GLS2: variants seen among roughly 807,000 people sequenced by gnomAD.
GLS2 encodes the protein glutaminase 2.
Under a neutral mutation model 79.0 loss-of-function variants are expected in GLS2, and 52 were observed. The observed-to-expected ratio is 0.66, with a 90% confidence interval of 0.53 to 0.83. The LOEUF (loss-of-function observed/expected upper bound fraction) is 0.83. GLS2 is among the 40% of genes least tolerant of loss of function. The probability of loss-of-function intolerance (pLI) is 0.00; values close to 1 mark genes in which losing one functional copy is unlikely to be tolerated. For synonymous variants in GLS2, 238 were observed against 280.8 expected, an observed-to-expected ratio of 0.85 and a Z score of 1.52; for missense variants, 561 against 764.8, an observed-to-expected ratio of 0.73 and a Z score of 3.14.
rs950919445 is a variant in GLS2, at chr12:56,475,971, A to G, written c.844T>C (p.Cys282Arg). Residue 282 changes from cysteine (C) to arginine (R), a missense_variant, in exon 8 of 18, where the codon TGT becomes CGT. By Grantham distance (180) the Cys-to-Arg change is radical (BLOSUM62 -3). This residue lies in a region of GLS2 where 221 missense variants were observed against 275.6 expected (regional missense o/e 0.80). Coordinates refer to ENST00000311966, the MANE Select transcript of GLS2 (RefSeq NM_013267.4). ...AAATCAAACTTCTCTGCTTTGTTAC[A>G]GTCCATCTGCAGAGAAAGAGAGAGA... ...IVVSSLIKMD[C>R]NKAEKFDFVL... The G allele has an allele frequency of 1.2e-6, 2 of 1,613,404 alleles. No individual in the cohort carries two copies. Among genetic ancestry groups the G allele is most frequent in the African/African-American group, 2.7e-5 (2 of 74,936 alleles).
At chr12:56,477,513 T>A in intron 7 of GLS2, 147 bp downstream of exon 7, 1 of 713,042 alleles carries the variant, frequency 1.4e-6, no homozygotes, top group Non-Finnish European at 2.4e-6. Context: ...AACATGTGGG[T>A]CCCTGCTGTG....
intron 10 of GLS2, 42 bp downstream of exon 10, chr12:56,475,002 C>G (rs767518156): frequency 5.6e-6 from 9 of 1,613,850 alleles, no homozygotes; most frequent in Admixed American, 3.3e-5. Context: ...CCACTAGCAG[C>G]AGAATTCCCA....
chr12:56,474,295 G>C (rs1006307736), intron 12 of GLS2: 9 of 481,018 alleles, frequency 1.9e-5, no homozygotes, highest in African/African-American at 1.4e-4. Context: ...CACCATGTAG[G>C]TCAGGCTGGT....
rs1244536820 is a variant in GLS2, at chr12:56,473,560, G to C, written c.1259C>G (p.Ala420Gly). The C allele has an allele frequency of 6.2e-7, 1 of 1,612,812 alleles. No homozygotes were observed. The highest frequency in any genetic ancestry group is 1.7e-5 in the Admixed American group (1 of 60,004). The change falls in exon 13 of 18, where the codon GCC becomes GGC. Residue 420 changes from alanine to glycine, a missense_variant. Transcript: ENST00000311966. ...GACATTGGGTACCACCAGGAGGATG[G>C]CTCCTGATACAGCTGACTTGGCTGG... ...GLPAKSAVSG[A>G]ILLVVPNVMG...
rs778242625 is a variant in GLS2 at position 56,473,453 on chromosome 12, A to G, written c.1356+10T>C. The G allele has an allele frequency of 6.2e-7, 1 of 1,609,392 alleles. No individual in the cohort carries two copies. Among genetic ancestry groups the G allele is most frequent in the Non-Finnish European group, 8.5e-7 (1 of 1,177,222 alleles). ...CAAAAATAGTAAGTACTATATGCAA[A>G]GCATCTCACCTGGCAGAAGCTGGTC... On this transcript the variant is annotated intron_variant, in intron 13 of 17. Transcript: ENST00000311966.
intron 4 of GLS2, 155 bp from the exon 5 acceptor site, chr12:56,478,417 G>T (rs1870014582): frequency 4.2e-6 from 3 of 706,650 alleles, no homozygotes; most frequent in Non-Finnish European, 7.2e-6. Flanking sequence ...AGAAATGCCC[G>T]AGCCTTAAGT....
Position 56,472,211 on chromosome 12 carries a change from A to C in GLS2, c.1512-16T>G, listed in dbSNP as rs775978486. 1.9e-6 allele frequency: 3 copies of C among 1,612,858 alleles called. No individual in the cohort carries two copies. In the South Asian group the frequency reaches 3.3e-5, roughly 18 times the overall value. On this transcript the variant is annotated splice_polypyrimidine_tract_variant and intron_variant, in intron 15 of 17. Transcript: ENST00000311966. ...CAAGGCAAACCTGAGGGTAGTGGGA[A>C]AGCAGCTAGAGTTGCCTAGATCAGA...
At position 56,475,616 on chromosome 12, in the gene GLS2, G is replaced by C; in HGVS notation, c.929+8C>G. ...TGCTTTCAGTCAGTCCTCTGAGTAG[G>C]GACTTACGTGGCATTGCTGAAACCC... On this transcript the variant is annotated splice_region_variant and intron_variant, in intron 9 of 17. Coordinates refer to ENST00000311966, the MANE Select transcript of GLS2 (RefSeq NM_013267.4). 1 of 1,613,868 alleles carries C rather than the reference G, an allele frequency of 6.2e-7. No homozygotes were observed. Among genetic ancestry groups the C allele is most frequent in the Non-Finnish European group, 8.5e-7 (1 of 1,179,828 alleles).
Position 56,475,031 on chromosome 12 carries a change from C to G in GLS2, c.996+13G>C, listed in dbSNP as rs777202283. On this transcript the variant is annotated intron_variant, in intron 10 of 17. Coordinates refer to ENST00000311966, the MANE Select transcript of GLS2 (RefSeq NM_013267.4). ...ATTCCCAGGGACTTTCTCTTCCGGC[C>G]TCTTCTGGTTACCTTCTTTTCCTTG... is the stretch of plus-strand genomic sequence containing the variant. 6.2e-7 allele frequency: 1 copy of G among 1,614,148 alleles called. No homozygotes were observed. Among genetic ancestry groups the G allele is most frequent in the South Asian group, 1.1e-5 (1 of 91,088 alleles).
At chr12:56,472,618 G>T in intron 15 of GLS2, 72 bp downstream of exon 15, 1 of 1,369,406 alleles carries the variant, frequency 7.3e-7, no homozygotes, top group Non-Finnish European at 1.0e-6. Context: ...TAACTATTTT[G>T]TTACGCTGCC....
intron 2 of GLS2, 103 bp from the exon 3 acceptor site, chr12:56,480,004 AC>A: frequency 7.0e-7 from 1 of 1,426,454 alleles, no homozygotes; most frequent in Non-Finnish European, 9.6e-7. Flanking sequence ...CCCAACCACT[AC>A]AATAGGTGGA....
In GLS2 at chr12:56,476,031, G is replaced by C. The variant is rs1592276043; in HGVS notation, c.838-54C>G. 2.6e-6 allele frequency: 4 copies of C among 1,549,212 alleles called. No homozygotes were observed. The East Asian group carries it at 9.0e-5, about 35-fold the overall frequency. Reference sequence around the variant, plus strand: ...TCTAAGTGTAGGAGGATGACAGAGGGAAGGGTCAGAAGGATCTAGTGGAGT... The same window carrying C: ...TCTAAGTGTAGGAGGATGACAGAGGCAAGGGTCAGAAGGATCTAGTGGAGT... On this transcript the variant is annotated intron_variant, in intron 7 of 17. Coordinates refer to ENST00000311966, the MANE Select transcript of GLS2 (RefSeq NM_013267.4).
At chr12:56,478,917 G>A in intron 4 of GLS2, 135 bp downstream of exon 4, 2 of 1,078,596 alleles carry the variant, frequency 1.9e-6, no homozygotes, top group Non-Finnish European at 1.3e-6. Context: ...CTGGGAGGTG[G>A]AGGTTGCAGT....
intron 17 of GLS2, 55 bp downstream of exon 17, chr12:56,471,718 G>A (rs1869283312): frequency 6.2e-7 from 1 of 1,611,666 alleles, no homozygotes. Context: ...ATGGTGGCTG[G>A]AGGGTAGGTG....
intron 1 of GLS2, among the ~76,000 whole-genome samples, chr12:56,483,185 A>G (rs1035361644): frequency 2.0e-5 from 3 of 148,202 alleles, no homozygotes; most frequent in African/African-American, 7.5e-5. Context: ...GGTTCAAGTG[A>G]TTCTCCTGCC....
intron 3 of GLS2, 93 bp from the exon 4 acceptor site, chr12:56,479,274 T>C: frequency 6.6e-7 from 1 of 1,513,680 alleles, no homozygotes; most frequent in Non-Finnish European, 8.9e-7. Flanking sequence ...GAAGGTTGAG[T>C]GGTCTTCAGG....
At position 56,477,955 on chromosome 12, in the gene GLS2, G is replaced by C; in HGVS notation, c.756C>G (p.Asn252Lys). 7 of 1,613,828 alleles carry C rather than the reference G, an allele frequency of 4.3e-6. No individual in the cohort carries two copies. The highest frequency in any genetic ancestry group is 5.9e-6 in the Non-Finnish European group (7 of 1,179,752). The change falls in exon 6 of 18, where the codon AAC becomes AAG. Residue 252 changes from asparagine to lysine, a missense_variant. Coordinates refer to ENST00000311966, the MANE Select transcript of GLS2 (RefSeq NM_013267.4). ...VGKEPSGLRY[N>K]KLSLNEEGIP... ...CACCTTCCTCATTGAGGGAGAGCTTGTTGTAGCGCAGGCCACTTGGCTCTT... is the reference window on the plus strand; with the variant it reads ...CACCTTCCTCATTGAGGGAGAGCTTCTTGTAGCGCAGGCCACTTGGCTCTT...
At chr12:56,478,859 G>A (rs573528210) in intron 4 of GLS2, 193 bp downstream of exon 4, 2 of 606,246 alleles carry the variant, frequency 3.3e-6, no homozygotes, top group African/African-American at 1.9e-5. Context: ...CGGGCATGGT[G>A]GTGTATGCCA....
chr12:56,471,642 A>G lies in GLS2; in HGVS notation c.1654T>C (p.Trp552Arg), dbSNP rs1302642980. 1.2e-6 allele frequency: 2 copies of G among 1,613,842 alleles called. No individual in the cohort carries two copies. Among genetic ancestry groups the G allele is most frequent in the African/African-American group, 1.3e-5 (1 of 74,870 alleles). The change falls in exon 18 of 18, where the codon TGG becomes CGG. Residue 552 changes from tryptophan (W) to arginine (R), a missense_variant and splice_region_variant. Trp to Arg is a moderately radical substitution (Grantham distance 101, BLOSUM62 -3). This residue lies in a region of GLS2 where 136 missense variants were observed against 228.6 expected (regional missense o/e 0.59). Transcript: ENST00000311966. The stretch of plus-strand genomic sequence containing the variant: ...GCATCATCCAGGGGAATGTTGCCCC[A>G]CCTGAGAGGAATAATGATATGATCA... ...CKVNPFAKDR[W>R]GNIPLDDAVQ... is the part of the protein sequence containing the mutation.
Sources: allele counts gnomAD v4.1 joint callset (sites outside exome capture counted in the v4.1 genomes callset), GRCh38; gene constraint gnomAD v4.1.1; regional missense constraint gnomAD v4.1.1; transcripts MANE v1.5; gene names NCBI Gene and HGNC (gene_info 2026-07-23, HGNC 2026-07-21).